Variants in SNX2 observed in about 807,000 individuals in gnomAD.
SNX2 encodes sorting nexin 2, also known as sorting nexin-2.
In SNX2, 25 loss-of-function variants were observed where a neutral mutation model predicts 69.9. That is an observed-to-expected ratio of 0.36 (90% CI 0.26 to 0.50). The LOEUF (loss-of-function observed/expected upper bound fraction) is 0.50, where lower values mean the gene tolerates loss of function less well. Ranked by LOEUF, SNX2 falls within the 20% of genes least tolerant of loss-of-function variation. The probability of loss-of-function intolerance (pLI) is 0.97; values close to 1 mark genes in which losing one functional copy is unlikely to be tolerated. For synonymous variants in SNX2, 229 were observed against 200.4 expected (o/e 1.14, Z -1.20); for missense variants, 551 against 613.3 (o/e 0.90, Z 1.07).
At chr5:122,781,433 C>T (rs1752979274) in intron 1 of SNX2, among the ~76,000 whole-genome samples, 1 of 152,076 alleles carries the variant, frequency 6.6e-6, no homozygotes, top group Non-Finnish European at 1.5e-5. Context: ...CAGTTGTTTC[C>T]AGTTTGGGGT....
chr5:122,785,335 A>T (rs1753062768), intron 1 of SNX2, among the ~76,000 whole-genome samples: 1 of 151,610 alleles, frequency 6.6e-6, no homozygotes, highest in Admixed American at 6.6e-5. Context: ...TTGTAGAGAC[A>T]GGGAGTCACA....
intron 14 of SNX2, among the ~76,000 whole-genome samples, chr5:122,829,198 TTTG>T (rs2150019449): frequency 1.8e-5 from 1 of 56,484 alleles, no homozygotes; most frequent in African/African-American, 9.1e-5. Context: ...TAATGTTGTT[TTTG>T]TTTGTTTGTT....
intron 14 of SNX2, 47 bp downstream of exon 14, chr5:122,827,693 G>A (rs372892083): frequency 1.2e-5 from 16 of 1,358,322 alleles, no homozygotes; most frequent in Non-Finnish European, 1.0e-6. Context: ...TTTGTTTTTG[G>A]TATACTTTCT....
intron 10 of SNX2, among the ~76,000 whole-genome samples, chr5:122,818,214 C>G (rs1004020473): frequency 2.0e-5 from 3 of 152,058 alleles, no homozygotes; most frequent in African/African-American, 7.2e-5. Flanking sequence ...TGACAGTATT[C>G]AGCCTGTAAA....
At chr5:122,816,039 T>C (rs1691811734) in intron 8 of SNX2, 68 bp downstream of exon 8, 1 of 740,944 alleles carries the variant, frequency 1.3e-6, no homozygotes, top group Non-Finnish European at 2.2e-6. Flanking sequence ...TGTATATGAC[T>C]ATATATAGTA....
At chr5:122,792,597 CA>C (rs34776409) in intron 1 of SNX2, among the ~76,000 whole-genome samples, 4,862 of 108,102 alleles carry the variant, frequency 0.045, 225 homozygotes, top group African/African-American at 0.14. Flanking sequence ...AACTTCATCT[CA>C]AAAAAAAAAA....
chr5:122,805,023 G>A (rs1753604535), intron 6 of SNX2, among the ~76,000 whole-genome samples: 1 of 151,960 alleles, frequency 6.6e-6, no homozygotes, highest in African/African-American at 2.4e-5. Flanking sequence ...CCATCATGGT[G>A]GCTCATGCCT....
At chr5:122,801,020 C>T (rs958663768) in intron 3 of SNX2, among the ~76,000 whole-genome samples, 3 of 152,082 alleles carry the variant, frequency 2.0e-5, no homozygotes, top group Non-Finnish European at 2.9e-5. Flanking sequence ...TGCTTTCCTT[C>T]GCGTCCAGAA....
chr5:122,815,161 T>G (rs1753874805), intron 7 of SNX2, among the ~76,000 whole-genome samples: 1 of 152,226 alleles, frequency 6.6e-6, no homozygotes, highest in South Asian at 2.1e-4. Flanking sequence ...GACAGGCACA[T>G]GTGAGCTTTT....
intron 1 of SNX2, among the ~76,000 whole-genome samples, chr5:122,780,892 A>G (rs1160237648): frequency 2.0e-5 from 3 of 152,112 alleles, no homozygotes; most frequent in Non-Finnish European, 2.9e-5. Context: ...CTGTTTTCTA[A>G]TCCTTGGGCC....
At chr5:122,806,582 C>T (rs893392430) in intron 6 of SNX2, among the ~76,000 whole-genome samples, 2 of 147,068 alleles carry the variant, frequency 1.4e-5, no homozygotes, top group South Asian at 2.2e-4. Context: ...TAACTAGTTA[C>T]GGTAGGTTGT....
intron 4 of SNX2, 54 bp from the exon 5 acceptor site, chr5:122,802,027 G>C (rs1275653431): frequency 5.8e-6 from 9 of 1,549,390 alleles, no homozygotes; most frequent in Non-Finnish European, 8.0e-6. Context: ...AGTATTAAAT[G>C]AGTTTTATTT....
chr5:122,812,646 G>T (rs34242791), intron 7 of SNX2, among the ~76,000 whole-genome samples: 28,649 of 151,966 alleles, frequency 0.19, 3,154 homozygotes, highest in East Asian at 0.46. Context: ...TTTATCATTT[G>T]TATGTTTATT....
chr5:122,814,397 C>T (rs933214465), intron 7 of SNX2, among the ~76,000 whole-genome samples: 1 of 152,080 alleles, frequency 6.6e-6, no homozygotes. Flanking sequence ...TAGATTGTAT[C>T]GAAGATACCT....
intron 7 of SNX2, among the ~76,000 whole-genome samples, chr5:122,812,623 C>G (rs1022575229): frequency 5.9e-5 from 9 of 152,170 alleles, no homozygotes; most frequent in Non-Finnish European, 1.2e-4. Context: ...GCTTTTGCCA[C>G]CTTGTCACAT....
chr5:122,825,777 A>G (rs920967131), intron 11 of SNX2, among the ~76,000 whole-genome samples: 1 of 152,106 alleles, frequency 6.6e-6, no homozygotes, highest in Non-Finnish European at 1.5e-5. Context: ...TATAAACCAT[A>G]TTTAAAGCCC....
chr5:122,794,896 A>G (rs914522625), intron 1 of SNX2, among the ~76,000 whole-genome samples: 1 of 152,022 alleles, frequency 6.6e-6, no homozygotes, highest in African/African-American at 2.4e-5. Context: ...GGTGACGTGC[A>G]TTTTTAGTCC....
intron 8 of SNX2, 29 bp downstream of exon 8, chr5:122,816,000 A>T: frequency 8.0e-7 from 1 of 1,256,222 alleles, no homozygotes; most frequent in Non-Finnish European, 1.1e-6. Flanking sequence ...ATGTTTGTAT[A>T]TGAATGTTCT....
chr5:122,822,554 A>G (rs772662955), intron 11 of SNX2, among the ~76,000 whole-genome samples: 2 of 152,230 alleles, frequency 1.3e-5, no homozygotes, highest in Non-Finnish European at 2.9e-5. Flanking sequence ...GGATTAATAT[A>G]GAGCCATTGT....
Sources: allele counts gnomAD v4.1 joint callset (sites outside exome capture counted in the v4.1 genomes callset), GRCh38; gene constraint gnomAD v4.1.1; transcripts MANE v1.5; gene names NCBI Gene and HGNC (gene_info 2026-07-23, HGNC 2026-07-21).